EPHA6: variants seen among roughly 807,000 people sequenced by gnomAD.
EPHA6 encodes the protein EPH receptor A6.
In EPHA6, 50 loss-of-function variants were observed where a neutral mutation model predicts 112.0. The observed-to-expected ratio is 0.45, with a 90% confidence interval of 0.36 to 0.56. The LOEUF (loss-of-function observed/expected upper bound fraction) is 0.56, where lower values mean the gene tolerates loss of function less well. Ranked by LOEUF, EPHA6 falls within the 20% of genes least tolerant of loss-of-function variation. EPHA6 has a pLI of 0.00. For synonymous variants in EPHA6, 529 were observed against 490.7 expected, an observed-to-expected ratio of 1.08 and a Z score of -1.03; for missense variants, 1,280 against 1,417.4, an observed-to-expected ratio of 0.90 and a Z score of 1.56.
chr3:97,641,910 A>C (rs375992924), intron 14 of EPHA6, among the ~76,000 whole-genome samples: 1 of 151,212 alleles, frequency 6.6e-6, no homozygotes, highest in African/African-American at 2.4e-5. Flanking sequence ...CAAAGCAGCC[A>C]GGAAGCTCGA....
At chr3:97,634,381 T>C (rs1183378839) in intron 13 of EPHA6, among the ~76,000 whole-genome samples, 1 of 152,056 alleles carries the variant, frequency 6.6e-6, no homozygotes, top group Non-Finnish European at 1.5e-5. Flanking sequence ...GCTTTTTTCT[T>C]TTCGTCAAGC....
chr3:97,507,259 C>A (rs2092272140), intron 10 of EPHA6, among the ~76,000 whole-genome samples: 1 of 152,140 alleles, frequency 6.6e-6, no homozygotes, highest in Admixed American at 6.5e-5. Flanking sequence ...AATGGGAGTG[C>A]TTCCAGCTTT....
chr3:96,919,057 T>C (rs1038500937), intron 2 of EPHA6, among the ~76,000 whole-genome samples: 2 of 152,014 alleles, frequency 1.3e-5, no homozygotes, highest in African/African-American at 4.8e-5. Context: ...AATTTTGTTG[T>C]TAACATAAAA....
intron 2 of EPHA6, among the ~76,000 whole-genome samples, chr3:96,950,946 T>A (rs1048403402): frequency 2.6e-5 from 4 of 152,104 alleles, no homozygotes; most frequent in African/African-American, 9.6e-5. Flanking sequence ...CAGCTTTTTC[T>A]TTTATTCTTT....
At chr3:97,231,991 G>C (rs1018993744) in intron 4 of EPHA6, among the ~76,000 whole-genome samples, 137 of 152,248 alleles carry the variant, frequency 9.0e-4, no homozygotes, top group African/African-American at 3.0e-3. Flanking sequence ...GGAATGAAAG[G>C]GGATCAGAGA....
At chr3:96,945,828 T>C (rs1006489740) in intron 2 of EPHA6, among the ~76,000 whole-genome samples, 5 of 152,192 alleles carry the variant, frequency 3.3e-5, no homozygotes, top group Admixed American at 6.5e-5. Flanking sequence ...TGAGCCTACA[T>C]TGATACATTG....
intron 5 of EPHA6, among the ~76,000 whole-genome samples, chr3:97,400,316 G>A (rs1222761296): frequency 1.3e-5 from 2 of 151,598 alleles, no homozygotes; most frequent in East Asian, 1.9e-4. Context: ...GTATTGAAAT[G>A]TGTTTCTATG....
chr3:97,271,461 G>A (rs538610118), intron 5 of EPHA6, among the ~76,000 whole-genome samples: 91 of 152,312 alleles, frequency 6.0e-4, no homozygotes, highest in Middle Eastern at 6.8e-3. Context: ...GGGTTCAAGC[G>A]ATTCTCCTGC....
chr3:97,427,305 G>T (rs2089204486), intron 6 of EPHA6, among the ~76,000 whole-genome samples: 1 of 152,012 alleles, frequency 6.6e-6, no homozygotes, highest in African/African-American at 2.4e-5. Flanking sequence ...GACCATTAAT[G>T]GTAGAGTCAG....
chr3:97,154,676 T>C (rs1472168442), intron 3 of EPHA6, among the ~76,000 whole-genome samples: 1 of 152,194 alleles, frequency 6.6e-6, no homozygotes, highest in Non-Finnish European at 1.5e-5. Context: ...TGCTATAACA[T>C]TTATAGTACA....
At chr3:97,647,783 A>T (rs1416044841) in intron 14 of EPHA6, among the ~76,000 whole-genome samples, 1 of 152,178 alleles carries the variant, frequency 6.6e-6, no homozygotes, top group Non-Finnish European at 1.5e-5. Context: ...CAACTGTTTT[A>T]TAACCAGTTC....
chr3:97,743,886 T>C (rs184237466), intron 16 of EPHA6, among the ~76,000 whole-genome samples: 2 of 152,126 alleles, frequency 1.3e-5, no homozygotes, highest in East Asian at 1.9e-4. Context: ...ATAAAACACT[T>C]CTTGCTTTTT....
chr3:97,722,584 G>A (rs1296873969), intron 15 of EPHA6, among the ~76,000 whole-genome samples: 2 of 152,128 alleles, frequency 1.3e-5, no homozygotes, highest in Non-Finnish European at 2.9e-5. Context: ...AGGGCCAGTG[G>A]TTTCTTGCCC....
chr3:97,483,131 A>T (rs2107495202), intron 9 of EPHA6, among the ~76,000 whole-genome samples: 1 of 152,320 alleles, frequency 6.6e-6, no homozygotes, highest in Admixed American at 6.5e-5. Flanking sequence ...AAACAGAGGG[A>T]TATTCATGGG....
chr3:97,709,331 A>C (rs759467647), intron 14 of EPHA6, among the ~76,000 whole-genome samples: 1 of 152,204 alleles, frequency 6.6e-6, no homozygotes, highest in African/African-American at 2.4e-5. Context: ...TTGGAACTTT[A>C]AATTTAATGA....
chr3:96,839,001 A>G (rs1052313592), intron 1 of EPHA6, among the ~76,000 whole-genome samples: 2 of 152,178 alleles, frequency 1.3e-5, no homozygotes, highest in Non-Finnish European at 2.9e-5. Context: ...CAGCTGAGAA[A>G]GAGGCTACAC....
chr3:97,714,383 A>C (rs1033433617), intron 14 of EPHA6, among the ~76,000 whole-genome samples: 11 of 152,194 alleles, frequency 7.2e-5, no homozygotes, highest in African/African-American at 2.4e-4. Flanking sequence ...TTAGCCTTCA[A>C]ACTTTCTTCA....
chr3:97,664,810 C>T (rs888656314), intron 14 of EPHA6, among the ~76,000 whole-genome samples: 14 of 151,982 alleles, frequency 9.2e-5, no homozygotes, highest in South Asian at 2.1e-4. Context: ...CACTGCTCAA[C>T]GAAATAAAAG....
chr3:96,895,016 A>C (rs1252375540), intron 2 of EPHA6, among the ~76,000 whole-genome samples: 1 of 152,244 alleles, frequency 6.6e-6, no homozygotes, highest in Non-Finnish European at 1.5e-5. Context: ...GATGAATAGA[A>C]GAAACAAACC....
Sources: gnomAD v4.1 joint callset for allele counts (sites outside exome capture counted in the v4.1 genomes callset) on GRCh38, gnomAD v4.1.1 for gene constraint, MANE v1.5 for transcripts, NCBI Gene and HGNC (gene_info 2026-07-23, HGNC 2026-07-21) for gene names.